The following COL11A1 variants were observed in gnomAD, a reference collection of about 807,000 sequenced individuals.
COL11A1 encodes the protein collagen alpha-1(XI) chain.
Under a neutral mutation model 265.2 loss-of-function variants are expected in COL11A1, and 74 were observed. The observed-to-expected ratio is 0.28, with a 90% CI of 0.23 to 0.34. The LOEUF (loss-of-function observed/expected upper bound fraction) is 0.34. Among genes scored for constraint, COL11A1 ranks in the 10% least tolerant of loss-of-function variants. The probability of loss-of-function intolerance (pLI) is 1.00; values close to 1 mark genes in which losing one functional copy is unlikely to be tolerated. For synonymous variants in COL11A1, 816 were observed against 727.6 expected (o/e 1.12, Z -1.96); for missense variants, 2,165 against 2,263.6 (o/e 0.96, Z 0.88).
intron 1 of COL11A1, among the ~76,000 whole-genome samples, chr1:103,091,236 T>C (rs1266327569): frequency 6.6e-6 from 1 of 152,112 alleles, no homozygotes; most frequent in Non-Finnish European, 1.5e-5. Context: ...TCTGACACTG[T>C]TCTTTCATTT....
chr1:103,021,594 T>A, intron 9 of COL11A1, 113 bp downstream of exon 9: 1 of 757,756 alleles, frequency 1.3e-6, no homozygotes, highest in Non-Finnish European at 2.4e-6. Context: ...ATTGCAAACA[T>A]CTGGACATCA....
rs752322335 is a variant in COL11A1, at chr1:102,942,627, T to C, written c.3277-2193A>G. Among the ~76,000 whole-genome samples the C allele has an allele frequency of 2.2e-3, 338 of 152,258 alleles. 3 individuals carry two copies. The highest frequency in any genetic ancestry group is 2.5e-3 in the Non-Finnish European group (170 of 67,988). On this transcript the variant is annotated intron_variant, in intron 42 of 66. Coordinates refer to ENST00000370096, the MANE Select transcript of COL11A1 (RefSeq NM_001854.4). ...TAGCTAAACATCCCCATGTCTTTTG[T>C]TTGATTTGGCATGGTCTTATATTTA...
chr1:103,005,342 A>G (rs1301772250), intron 18 of COL11A1, among the ~76,000 whole-genome samples: 3 of 152,184 alleles, frequency 2.0e-5, no homozygotes, highest in Non-Finnish European at 2.9e-5. Context: ...GTTCAGAATC[A>G]TGGTTTCTTT....
At chr1:102,894,863 C>T (rs1188799055) in intron 57 of COL11A1, among the ~76,000 whole-genome samples, 1 of 152,072 alleles carries the variant, frequency 6.6e-6, no homozygotes, top group Non-Finnish European at 1.5e-5. Flanking sequence ...GAAACCTCCG[C>T]CTCCCAGGTT....
chr1:102,998,441 A>T, intron 24 of COL11A1, 78 bp from the exon 25 acceptor site: 1 of 1,001,732 alleles, frequency 1.0e-6, no homozygotes, highest in Non-Finnish European at 1.4e-6. Context: ...CTATGAATGA[A>T]ATTCTTATCC....
chr1:103,064,845 A>G (rs1670970645), intron 4 of COL11A1, among the ~76,000 whole-genome samples: 1 of 152,086 alleles, frequency 6.6e-6, no homozygotes, highest in Admixed American at 6.6e-5. Flanking sequence ...TAAAAAAAAA[A>G]AAAATCGCAA....
chr1:102,926,829 T>C lies in COL11A1; in HGVS notation c.3601-3440A>G, dbSNP rs2101111310. Among the ~76,000 whole-genome samples, 2 of 152,306 alleles carry C rather than the reference T, an allele frequency of 1.3e-5. 1 individual carries two copies. The highest frequency in any genetic ancestry group is 4.1e-4 in the South Asian group (2 of 4,828). On this transcript the variant is annotated intron_variant, in intron 46 of 66. Coordinates refer to ENST00000370096, the MANE Select transcript of COL11A1 (RefSeq NM_001854.4). Reference sequence around the variant, plus strand: ...GTACCCATTGACAATCTAATTTTAATGCCTTGTTTTCAAATATGTATGCTT... The same window carrying C: ...GTACCCATTGACAATCTAATTTTAACGCCTTGTTTTCAAATATGTATGCTT...
intron 4 of COL11A1, among the ~76,000 whole-genome samples, chr1:103,065,386 G>T (rs1348667865): frequency 1.3e-5 from 2 of 151,706 alleles, no homozygotes; most frequent in African/African-American, 4.8e-5. Context: ...CGGGCGTGTT[G>T]GCAGGCGCCT....
chr1:102,930,127 T>C (rs1226781042), intron 46 of COL11A1, among the ~76,000 whole-genome samples: 1 of 152,168 alleles, frequency 6.6e-6, no homozygotes, highest in Admixed American at 6.5e-5. Context: ...TTCAACACTA[T>C]GTTGAATAGG....
chr1:102,878,475 C>CATATATATATATATATATATAT (rs57574729), intron 66 of COL11A1, among the ~76,000 whole-genome samples: 563 of 49,584 alleles, frequency 0.011, 21 homozygotes, highest in Admixed American at 0.016. Context: ...ATTGAATCCT[C>CATATATATATATATATATATAT]ATATATATAT....
chr1:103,107,497 G>GC (rs1674793337), intron 1 of COL11A1, among the ~76,000 whole-genome samples: 1 of 66,710 alleles, frequency 1.5e-5, no homozygotes, highest in Non-Finnish European at 3.2e-5. Context: ...ACCCTCCCCC[G>GC]CCCCCCAAAC....
At chr1:102,928,855 G>C (rs1306700167) in intron 46 of COL11A1, among the ~76,000 whole-genome samples, 2 of 129,594 alleles carry the variant, frequency 1.5e-5, no homozygotes, top group African/African-American at 5.4e-5. Flanking sequence ...GTGATGATGA[G>C]CATTTTTTCA....
chr1:102,987,986 A>G (rs946402718), intron 29 of COL11A1, among the ~76,000 whole-genome samples: 1 of 152,132 alleles, frequency 6.6e-6, no homozygotes, highest in African/African-American at 2.4e-5. Flanking sequence ...ATACAAAGCC[A>G]CAAGGTTAGA....
At chr1:102,923,122 T>G (rs1237734321) in intron 47 of COL11A1, among the ~76,000 whole-genome samples, 1 of 152,234 alleles carries the variant, frequency 6.6e-6, no homozygotes, top group South Asian at 2.1e-4. Flanking sequence ...TATAAATTGC[T>G]AATTATCTAA....
chr1:103,000,997 G>A (rs1173872144), intron 24 of COL11A1: 1 of 391,444 alleles, frequency 2.6e-6, no homozygotes, highest in Non-Finnish European at 4.5e-6. Context: ...CAGACATAAA[G>A]GTCACATACA....
intron 46 of COL11A1, among the ~76,000 whole-genome samples, chr1:102,930,724 C>G (rs1387228834): frequency 6.6e-5 from 10 of 152,126 alleles, no homozygotes; most frequent in Middle Eastern, 3.4e-3. Context: ...TCTGGTCCTG[C>G]ACTCTTTTTG....
intron 54 of COL11A1, among the ~76,000 whole-genome samples, chr1:102,902,596 T>C (rs1653351771): frequency 6.6e-6 from 1 of 152,024 alleles, no homozygotes; most frequent in Non-Finnish European, 1.5e-5. Flanking sequence ...TATAATCTCT[T>C]CAGTGATTCT....
chr1:102,930,264 C>T (rs1657233922), intron 46 of COL11A1, among the ~76,000 whole-genome samples: 1 of 151,520 alleles, frequency 6.6e-6, no homozygotes, highest in Non-Finnish European at 1.5e-5. Flanking sequence ...GAAATACGTC[C>T]CATCAATACC....
chr1:102,965,954 A>G (rs12750179), intron 37 of COL11A1, among the ~76,000 whole-genome samples: 3,289 of 152,292 alleles, frequency 0.022, 59 homozygotes, highest in Middle Eastern at 0.092. Context: ...ATTTCTCTCT[A>G]TTGTATTCCA....
Sources: allele counts gnomAD v4.1 joint callset (sites outside exome capture counted in the v4.1 genomes callset), GRCh38; gene constraint gnomAD v4.1.1; transcripts MANE v1.5; gene names NCBI Gene and HGNC (gene_info 2026-07-23, HGNC 2026-07-21).